The following ANKRD28 variants were observed in gnomAD, a reference collection of about 807,000 sequenced individuals.
ANKRD28 encodes the protein ankyrin repeat domain 28, also known as serine/threonine-protein phosphatase 6 regulatory ankyrin repeat subunit A.
In ANKRD28, 44 loss-of-function variants were observed where a neutral mutation model predicts 126.5. That is an observed-to-expected ratio of 0.35 (90% CI 0.27 to 0.45). The LOEUF is 0.45. ANKRD28 is among the 20% of genes least tolerant of loss of function. The pLI is 1.00. For missense variants in ANKRD28, 1,110 were observed against 1,316.6 expected (o/e 0.84, Z 2.43); for synonymous variants, 442 against 468.5 (o/e 0.94, Z 0.73).
In ANKRD28 at chr3:15,721,113, A is replaced by C; in HGVS notation, c.798T>G (p.Asn266Lys). ...CATGAAGAGGTGTATTTCCATAGGC[A>C]TTTGGTTCATTCATCTATTAGAAGG... ...LDLGVDMNEP[N>K]AYGNTPLHVA... The change falls in exon 8 of 28, where the codon AAT becomes AAG. Residue 266 changes from asparagine to lysine, a missense_variant. Physicochemically the swap from Asn to Lys is moderately conservative, Grantham distance 94. Coordinates refer to ENST00000683139, the MANE Select transcript of ANKRD28 (RefSeq NM_001349278.2). The C allele has an allele frequency of 6.2e-7, 1 of 1,610,844 alleles. No individual in the cohort carries two copies. Among genetic ancestry groups the C allele is most frequent in the Non-Finnish European group, 8.5e-7 (1 of 1,178,942 alleles).
intron 4 of ANKRD28, among the ~76,000 whole-genome samples, chr3:15,751,529 G>T (rs1249549445): frequency 6.6e-6 from 1 of 152,042 alleles, no homozygotes; most frequent in Non-Finnish European, 1.5e-5. Context: ...ACAGAGATAG[G>T]GTTTTCTATT....
At chr3:15,671,342 AAT>A (rs993999423) in intron 27 of ANKRD28, among the ~76,000 whole-genome samples, 1 of 152,180 alleles carries the variant, frequency 6.6e-6, no homozygotes, top group Non-Finnish European at 1.5e-5. Flanking sequence ...GAGAAGTGAT[AAT>A]AGTGTGATGC....
intron 1 of ANKRD28, among the ~76,000 whole-genome samples, chr3:15,820,382 AT>A (rs914116496): frequency 5.3e-5 from 8 of 152,178 alleles, no homozygotes; most frequent in Non-Finnish European, 5.9e-5. Flanking sequence ...AAAGCTACTG[AT>A]TTACCAAAAA....
intron 21 of ANKRD28, among the ~76,000 whole-genome samples, chr3:15,682,700 CTT>C (rs1457762775): frequency 6.6e-6 from 1 of 152,176 alleles, no homozygotes; most frequent in African/African-American, 2.4e-5. Flanking sequence ...CATGCTTCCA[CTT>C]TTCTTTCCAG....
At position 15,696,148 on chromosome 3, in the gene ANKRD28, G is replaced by C; in HGVS notation, c.1645C>G (p.Leu549Val). Residue 549 changes from leucine (L) to valine (V), a missense_variant, in exon 15 of 28, where the codon CTA (leucine) becomes GTA (valine). Physicochemically the swap from Leu to Val is conservative, Grantham distance 32. Coordinates refer to ENST00000683139, the MANE Select transcript of ANKRD28 (RefSeq NM_001349278.2). ...VHYSAAYGHR[L>V]CLQLIASETP... is the part of the protein sequence containing the mutation. Reference sequence around the variant, plus strand: ...AGGAATCTTACCAGCTGAAGACATAGACGGTGACCATAAGCAGCTGAATAA... The same window carrying C: ...AGGAATCTTACCAGCTGAAGACATACACGGTGACCATAAGCAGCTGAATAA... 4 of 1,580,984 alleles carry C rather than the reference G, an allele frequency of 2.5e-6. No individual in the cohort carries two copies. The highest frequency in any genetic ancestry group is 1.1e-5 in the South Asian group (1 of 86,966).
upstream of ANKRD28, chr3:15,798,178 C>T: frequency 1.0e-6 from 1 of 985,382 alleles, no homozygotes; most frequent in Non-Finnish European, 1.2e-6. Flanking sequence ...CCTCTGCTGA[C>T]TAACAGTGGT....
intron 2 of ANKRD28, among the ~76,000 whole-genome samples, chr3:15,786,690 T>TA (rs2059796485): frequency 6.6e-6 from 1 of 152,152 alleles, no homozygotes; most frequent in Non-Finnish European, 1.5e-5. Flanking sequence ...AGACCAAAGT[T>TA]ACTTCATTTC....
chr3:15,670,643 T>C, intron 27 of ANKRD28, 87 bp from the exon 28 acceptor site: 1 of 1,300,686 alleles, frequency 7.7e-7, no homozygotes, highest in Non-Finnish European at 1.0e-6. Context: ...TACTTCAACT[T>C]TAGACATATT....
intron 1 of ANKRD28, among the ~76,000 whole-genome samples, chr3:15,847,229 A>G (rs947373227): frequency 1.9e-4 from 29 of 152,244 alleles, no homozygotes; most frequent in Admixed American, 1.8e-3. Flanking sequence ...AATTTAAAAG[A>G]ATGTACTAAA....
At chr3:15,711,689 T>G (rs2072302025) in intron 11 of ANKRD28, among the ~76,000 whole-genome samples, 1 of 151,872 alleles carries the variant, frequency 6.6e-6, no homozygotes, top group Non-Finnish European at 1.5e-5. Flanking sequence ...AGAGGTTTTC[T>G]GTATTTTTTT....
At chr3:15,764,272 C>T (rs944262795) in intron 3 of ANKRD28, among the ~76,000 whole-genome samples, 2 of 152,124 alleles carry the variant, frequency 1.3e-5, no homozygotes, top group African/African-American at 4.8e-5. Flanking sequence ...GCTTTTTATA[C>T]AAGTATCATG....
At chr3:15,836,671 A>C (rs1195376661) in intron 1 of ANKRD28, among the ~76,000 whole-genome samples, 1 of 152,254 alleles carries the variant, frequency 6.6e-6, no homozygotes, top group Non-Finnish European at 1.5e-5. Context: ...TGAAGGAGTT[A>C]TATTTGTACC....
chr3:15,797,873 A>C lies in ANKRD28; in HGVS notation c.-1352T>G. The C allele has an allele frequency of 1.0e-6, 1 of 985,446 alleles. No individual in the cohort carries two copies. Among genetic ancestry groups the C allele is most frequent in the Non-Finnish European group, 1.2e-6 (1 of 829,940 alleles). 61.0% of individuals were successfully genotyped at this position (985,446 alleles called of 1,614,324 possible). On this transcript the variant is annotated 5_prime_UTR_variant, in exon 1 of 28. An upstream open reading frame in the 5' UTR loses its in-frame stop. Coordinates refer to ENST00000683139, the MANE Select transcript of ANKRD28 (RefSeq NM_001349278.2). ...AAAATATCTATAGAACCTCAGTATC[A>C]GTCCCACAGAAGCATTCCAACGGAG...
At chr3:15,722,812 A>G (rs1483705685) in intron 7 of ANKRD28, among the ~76,000 whole-genome samples, 1 of 152,180 alleles carries the variant, frequency 6.6e-6, no homozygotes, top group Non-Finnish European at 1.5e-5. Context: ...TCTCCCTCAG[A>G]GCCTCCATAA....
At chr3:15,726,036 C>CT (rs1190820227) in intron 6 of ANKRD28, among the ~76,000 whole-genome samples, 13 of 152,106 alleles carry the variant, frequency 8.5e-5, no homozygotes, top group Admixed American at 8.5e-4. Flanking sequence ...GAGTGAAACT[C>CT]TGTCTCCAAA....
rs548976081 is a variant in ANKRD28 at position 15,685,404 on chromosome 3, T to G, written c.2211A>C (p.Gln737His). 1.2e-6 allele frequency: 2 copies of G among 1,613,780 alleles called. No individual in the cohort carries two copies. Among genetic ancestry groups the G allele is most frequent in the African/African-American group, 1.3e-5 (1 of 74,948 alleles). ...GHEECVDALLQHGAKCLLRDS... is the reference protein window; with the variant it reads ...GHEECVDALLHHGAKCLLRDS... Reference sequence around the variant, plus strand: ...CCCGAAGTAAGCACTTAGCACCATGTTGAAGTAATGCATCTACACATTCTT... The same window carrying G: ...CCCGAAGTAAGCACTTAGCACCATGGTGAAGTAATGCATCTACACATTCTT... Residue 737 changes from glutamine (Q) to histidine (H), a missense_variant, in exon 21 of 28, where the codon CAA (glutamine) becomes CAC (histidine). Physicochemically the swap from Gln to His is conservative, Grantham distance 24 (BLOSUM62 0). Transcript: ENST00000683139.
chr3:15,684,294 T>G (rs1211989613), intron 21 of ANKRD28: 1 of 152,212 alleles, frequency 6.6e-6, no homozygotes, highest in Non-Finnish European at 1.5e-5. Flanking sequence ...TATGCTTCCC[T>G]ACGTGACCTT....
At chr3:15,692,376 G>A (rs768269782) in intron 17 of ANKRD28, among the ~76,000 whole-genome samples, 5 of 152,164 alleles carry the variant, frequency 3.3e-5, no homozygotes, top group Non-Finnish European at 5.9e-5. Flanking sequence ...CTGGAGCTCA[G>A]GAATTCAAGA....
intron 1 of ANKRD28, among the ~76,000 whole-genome samples, chr3:15,841,996 G>C (rs1425458380): frequency 1.3e-5 from 2 of 150,080 alleles, no homozygotes; most frequent in Non-Finnish European, 3.0e-5. Context: ...TTATTATATA[G>C]GCATAATTTA....
Sources: allele counts gnomAD v4.1 joint callset (sites outside exome capture counted in the v4.1 genomes callset), GRCh38; gene constraint gnomAD v4.1.1; transcripts MANE v1.5; gene names NCBI Gene and HGNC (gene_info 2026-07-23, HGNC 2026-07-21).